ADAM28: variants seen among roughly 807,000 people sequenced by gnomAD.
ADAM28 encodes disintegrin and metalloproteinase domain-containing protein 28.
Under a neutral mutation model 101.2 loss-of-function variants are expected in ADAM28, and 105 were observed. The observed-to-expected ratio is 1.04, with a 90% CI of 0.89 to 1.22. ADAM28 has a LOEUF of 1.22. Ranked by LOEUF, ADAM28 falls within the 50% of genes most tolerant of loss-of-function variation. The probability of loss-of-function intolerance (pLI) is 0.00; values close to 1 mark genes in which losing one functional copy is unlikely to be tolerated. For missense variants in ADAM28, 1,028 were observed against 945.4 expected, an observed-to-expected ratio of 1.09 and a Z score of -1.15; for synonymous variants, 322 against 310.6, an observed-to-expected ratio of 1.04 and a Z score of -0.39.
chr8:24,321,378 C>T, intron 8 of ADAM28, 89 bp downstream of exon 8: 1 of 1,101,588 alleles, frequency 9.1e-7, no homozygotes, highest in Non-Finnish European at 1.4e-6. Flanking sequence ...AGCATGGAAG[C>T]AAAGTCAAGA....
chr8:24,318,433 T>C (rs568363530), intron 6 of ADAM28, among the ~76,000 whole-genome samples: 1 of 152,102 alleles, frequency 6.6e-6, no homozygotes, highest in East Asian at 1.9e-4. Context: ...TCCTAGGTAA[T>C]CTTACCCTGC....
At position 24,351,212 on chromosome 8, in the gene ADAM28, C is replaced by G. The variant is rs767518195; in HGVS notation, c.2100-20C>G. On this transcript the variant is annotated intron_variant, in intron 19 of 22. Transcript: ENST00000265769. ...AAGGAGCTGCTAAGTCAATTGATAT[C>G]ATGTGTTTCTCTCTTACAGGCCACT... is the stretch of plus-strand genomic sequence containing the variant. 4 of 1,532,446 alleles carry G rather than the reference C, an allele frequency of 2.6e-6. No individual in the cohort carries two copies. The East Asian group carries it at 9.5e-5, about 37-fold the overall frequency. 94.9% of individuals were successfully genotyped at this position (1,532,446 alleles called of 1,614,324 possible).
At chr8:24,302,125 G>A (rs1369727198) in intron 2 of ADAM28, among the ~76,000 whole-genome samples, 1 of 152,070 alleles carries the variant, frequency 6.6e-6, no homozygotes, top group Non-Finnish European at 1.5e-5. Context: ...AGAGTGTGTT[G>A]TTCCCCTGCC....
rs779193223 is a variant in ADAM28, at chr8:24,313,376, A to G, written c.384-12A>G. ...TATTTGTTAAGAAGCCAGAACTCTC[A>G]TGTTTTTTCAGGGGCTACTTCAGTC... On this transcript the variant is annotated splice_polypyrimidine_tract_variant and intron_variant, in intron 5 of 22. Transcript: ENST00000265769. 1.3e-6 allele frequency: 2 copies of G among 1,599,030 alleles called. No homozygotes were observed. The highest frequency in any genetic ancestry group is 1.7e-6 in the Non-Finnish European group (2 of 1,173,532).
intron 18 of ADAM28, chr8:24,346,983 T>C (rs1815478956): frequency 6.6e-6 from 1 of 152,082 alleles, no homozygotes; most frequent in South Asian, 2.1e-4. Flanking sequence ...ATTTGTTACA[T>C]CCATGAACAT....
At chr8:24,348,373 G>C (rs548926751) in intron 18 of ADAM28, among the ~76,000 whole-genome samples, 2 of 152,030 alleles carry the variant, frequency 1.3e-5, no homozygotes, top group Non-Finnish European at 2.9e-5. Context: ...TGGAGTATTC[G>C]TTGATGGTAA....
chr8:24,328,240 C>G (rs1812885397), intron 10 of ADAM28, among the ~76,000 whole-genome samples: 1 of 151,828 alleles, frequency 6.6e-6, no homozygotes, highest in Non-Finnish European at 1.5e-5. Context: ...GGCGATCTTA[C>G]TTTCATTTTG....
At position 24,343,507 on chromosome 8, in the gene ADAM28, T is replaced by TA. The variant is rs1320518671; in HGVS notation, c.1913_1914insA (p.Cys639ValfsTer2). ...GTAACAGGATCATTGCTCCCCTAGG[T>TA]GTGTGACCATGAGCTCCAGTGTCAA... On this transcript the variant is annotated frameshift_variant and splice_region_variant, in exon 18 of 23. Coordinates refer to ENST00000265769, the MANE Select transcript of ADAM28 (RefSeq NM_014265.6). LOFTEE classifies it high-confidence loss of function. 1 of 1,613,690 alleles carries TA rather than the reference T, an allele frequency of 6.2e-7. No individual in the cohort carries two copies. Among genetic ancestry groups the TA allele is most frequent in the Non-Finnish European group, 8.5e-7 (1 of 1,179,768 alleles).
chr8:24,340,466 G>A (rs548354561), intron 15 of ADAM28, among the ~76,000 whole-genome samples: 41 of 152,304 alleles, frequency 2.7e-4, no homozygotes, highest in African/African-American at 9.9e-4. Context: ...GTGAGGGCCA[G>A]AGGAAGGGCA....
chr8:24,305,451 C>CTTTTTTTT (rs10654023), intron 2 of ADAM28, among the ~76,000 whole-genome samples: 3 of 65,456 alleles, frequency 4.6e-5, no homozygotes, highest in East Asian at 5.5e-4. Flanking sequence ...TAAGAGGTTT[C>CTTTTTTTT]TTTTTTTTTT....
At chr8:24,335,000 C>T (rs1271771365) in intron 13 of ADAM28, among the ~76,000 whole-genome samples, 2 of 152,118 alleles carry the variant, frequency 1.3e-5, no homozygotes, top group South Asian at 2.1e-4. Flanking sequence ...TGGGAAAGTC[C>T]GAGTCTGCTG....
At chr8:24,342,716 G>A (rs541860647) in intron 16 of ADAM28, among the ~76,000 whole-genome samples, 19 of 152,140 alleles carry the variant, frequency 1.2e-4, no homozygotes, top group African/African-American at 4.3e-4. Context: ...ACATGACCTG[G>A]CATGGATGTT....
intron 9 of ADAM28, among the ~76,000 whole-genome samples, chr8:24,325,263 T>C (rs1812386248): frequency 6.6e-6 from 1 of 151,814 alleles, no homozygotes; most frequent in African/African-American, 2.4e-5. Flanking sequence ...TAGGTAAAAA[T>C]AAATGACGAT....
At chr8:24,330,207 T>C (rs1813189920) in intron 11 of ADAM28, 92 bp downstream of exon 11, 1 of 1,457,258 alleles carries the variant, frequency 6.9e-7, no homozygotes. Flanking sequence ...CAACAACGTG[T>C]TCGAGTTTTT....
intron 14 of ADAM28, 21 bp downstream of exon 14, chr8:24,335,662 C>T: frequency 6.4e-7 from 1 of 1,569,264 alleles, no homozygotes; most frequent in Non-Finnish European, 8.6e-7. Context: ...AAATCCTTTC[C>T]CCTGTGCATG....
chr8:24,323,127 T>C (rs1425596691), intron 8 of ADAM28, among the ~76,000 whole-genome samples: 1 of 151,860 alleles, frequency 6.6e-6, no homozygotes, highest in Non-Finnish European at 1.5e-5. Context: ...CTGGTGAAGA[T>C]TGTCTTCCTG....
chr8:24,323,243 C>G (rs1189462548), intron 8 of ADAM28, among the ~76,000 whole-genome samples: 1 of 151,880 alleles, frequency 6.6e-6, no homozygotes, highest in Non-Finnish European at 1.5e-5. Flanking sequence ...GAGGGCTCCA[C>G]TCTCGTGACC....
intron 2 of ADAM28, among the ~76,000 whole-genome samples, chr8:24,308,356 A>G (rs1200120976): frequency 6.6e-6 from 1 of 152,078 alleles, no homozygotes; most frequent in Non-Finnish European, 1.5e-5. Context: ...TTCTTCCTTC[A>G]TCTTTCCTTC....
At chr8:24,322,466 A>T (rs1812007877) in intron 8 of ADAM28, 1 of 152,066 alleles carries the variant, frequency 6.6e-6, no homozygotes, top group South Asian at 2.1e-4. Flanking sequence ...AGCATAAAAA[A>T]TGTGTGCAGA....
Sources: gnomAD v4.1 joint callset for allele counts (sites outside exome capture counted in the v4.1 genomes callset) on GRCh38, gnomAD v4.1.1 for gene constraint, MANE v1.5 for transcripts, NCBI Gene and HGNC (gene_info 2026-07-23, HGNC 2026-07-21) for gene names.